CCDC7: variants seen among roughly 807,000 people sequenced by gnomAD.
The protein encoded by CCDC7 is coiled-coil domain containing 7, also known as coiled-coil domain-containing protein 7.
A neutral mutation model predicts 196.9 loss-of-function variants in CCDC7; 183 were observed. That is an observed-to-expected ratio of 0.93 (90% CI 0.82 to 1.05). The LOEUF is 1.05. CCDC7 is among the 50% of genes least tolerant of loss of function. CCDC7 has a pLI of 0.00. For missense variants in CCDC7, 1,540 were observed against 1,482.2 expected (o/e 1.04, Z -0.64); for synonymous variants, 525 against 484.6 (o/e 1.08, Z -1.10).
At chr10:32,659,678 T>C (rs996668921) in intron 20 of CCDC7, among the ~76,000 whole-genome samples, 1 of 152,048 alleles carries the variant, frequency 6.6e-6, no homozygotes, top group Non-Finnish European at 1.5e-5. Context: ...AAGACATGAA[T>C]GGACACTTCC....
At chr10:32,847,801 A>G in intron 37 of CCDC7, 32 bp from the exon 39 acceptor site, 1 of 1,364,200 alleles carries the variant, frequency 7.3e-7, no homozygotes, top group Non-Finnish European at 1.0e-6. Flanking sequence ...GTTACCTTAA[A>G]AAGTGTTTTG....
At chr10:32,687,884 G>A (rs1301962397) in intron 22 of CCDC7, among the ~76,000 whole-genome samples, 5 of 152,118 alleles carry the variant, frequency 3.3e-5, no homozygotes, top group Admixed American at 6.6e-5. Flanking sequence ...CTGTATGTTG[G>A]CCCTATGCCC....
intron 23 of CCDC7, 84 bp from the exon 25 acceptor site, chr10:32,694,795 C>G: frequency 1.4e-6 from 1 of 718,586 alleles, no homozygotes; most frequent in Non-Finnish European, 2.2e-6. Flanking sequence ...GAAAATTTTG[C>G]TACACAATTA....
At chr10:32,492,612 T>C (rs1459192862) in intron 9 of CCDC7, among the ~76,000 whole-genome samples, 1 of 152,034 alleles carries the variant, frequency 6.6e-6, no homozygotes, top group Non-Finnish European at 1.5e-5. Flanking sequence ...ATTATTCCTC[T>C]TACATGAGGT....
intron 23 of CCDC7, among the ~76,000 whole-genome samples, chr10:32,693,721 C>T (rs1053041780): frequency 3.9e-5 from 6 of 152,162 alleles, no homozygotes; most frequent in South Asian, 2.1e-4. Flanking sequence ...CCTGTGTCTG[C>T]ATGAATTTTC....
chr10:32,878,982 A>T (rs1485133915), downstream of CCDC7, among the ~76,000 whole-genome samples: 1 of 152,138 alleles, frequency 6.6e-6, no homozygotes, highest in Non-Finnish European at 1.5e-5. Context: ...GTATGGGGCC[A>T]TTCATGCTGT....
At chr10:32,794,577 T>C (rs1592818412) in intron 29 of CCDC7, among the ~76,000 whole-genome samples, 1 of 152,220 alleles carries the variant, frequency 6.6e-6, no homozygotes, top group African/African-American at 2.4e-5. Context: ...TTTTTCAACA[T>C]TGCCAGCATC....
At chr10:32,856,601 T>C (rs2093763236) in intron 41 of CCDC7, among the ~76,000 whole-genome samples, 1 of 152,164 alleles carries the variant, frequency 6.6e-6, no homozygotes, top group African/African-American at 2.4e-5. Flanking sequence ...CCATCATTCC[T>C]GGACCTTGCT....
intron 21 of CCDC7, 76 bp from the exon 23 acceptor site, chr10:32,685,894 A>G: frequency 1.2e-6 from 1 of 815,866 alleles, no homozygotes; most frequent in Non-Finnish European, 2.0e-6. Flanking sequence ...TAAATGTTTT[A>G]TAAATTTGAA....
intron 41 of CCDC7, among the ~76,000 whole-genome samples, chr10:32,873,802 A>C (rs886859212): frequency 6.6e-6 from 1 of 151,850 alleles, no homozygotes; most frequent in Non-Finnish European, 1.5e-5. Context: ...GGAAGCTGCC[A>C]CACTACTTTT....
Position 32,634,238 on chromosome 10 carries a change from G to T in CCDC7, c.1802-16G>T. The T allele has an allele frequency of 4.5e-6, 5 of 1,107,188 alleles. No individual in the cohort carries two copies. The South Asian group carries it at 1.8e-4, about 41-fold the overall frequency. The allele number at this position is 1,107,188 out of a possible 1,614,324, so 68.6% of individuals were successfully genotyped here. On this transcript the variant is annotated splice_polypyrimidine_tract_variant and intron_variant, in intron 18 of 41. Transcript: ENST00000639629. ...TCTTTCTCTATTTGGTAGACTAAAT[G>T]AATCTTTTTATGTAGCTGACAGTGA...
At chr10:32,793,089 T>G (rs1469695474) in intron 29 of CCDC7, among the ~76,000 whole-genome samples, 1 of 152,190 alleles carries the variant, frequency 6.6e-6, no homozygotes, top group Non-Finnish European at 1.5e-5. Flanking sequence ...TATTAGGGTG[T>G]ATTAATCTTG....
At chr10:32,704,928 A>G (rs1763803) in intron 24 of CCDC7, among the ~76,000 whole-genome samples, 52,498 of 152,078 alleles carry the variant, frequency 0.35, 11,683 homozygotes, top group Non-Finnish European at 0.5. Flanking sequence ...TTCCTTGGCT[A>G]GGAAAGGGAA....
intron 16 of CCDC7, among the ~76,000 whole-genome samples, chr10:32,578,230 T>C (rs1467810117): frequency 2.0e-5 from 3 of 151,886 alleles, no homozygotes; most frequent in African/African-American, 7.3e-5. Context: ...GGAAAATCGT[T>C]TGTGGTTGGG....
intron 3 of CCDC7, 35 bp downstream of exon 4, chr10:32,456,369 A>G (rs544334165): frequency 7.0e-7 from 1 of 1,431,618 alleles, no homozygotes; most frequent in East Asian, 2.5e-5. Context: ...AGTATAAAAT[A>G]TCAAACTTGT....
chr10:32,563,331 C>T (rs1021865858), intron 13 of CCDC7, among the ~76,000 whole-genome samples: 49 of 152,188 alleles, frequency 3.2e-4, no homozygotes, highest in Middle Eastern at 6.8e-3. Flanking sequence ...AAAAAGAGCC[C>T]GCATTGCCAA....
At chr10:32,704,968 G>A (rs1459341463) in intron 24 of CCDC7, among the ~76,000 whole-genome samples, 1 of 152,122 alleles carries the variant, frequency 6.6e-6, no homozygotes, top group African/African-American at 2.4e-5. Flanking sequence ...TCCCGGGTGA[G>A]GCGATGCCTC....
At chr10:32,868,328 T>A (rs991932599) in intron 41 of CCDC7, among the ~76,000 whole-genome samples, 6 of 152,004 alleles carry the variant, frequency 3.9e-5, no homozygotes, top group African/African-American at 7.2e-5. Flanking sequence ...TTTTGAGAAC[T>A]CACCATACTG....
At chr10:32,876,067 G>A (rs1430520757) in intron 41 of CCDC7, among the ~76,000 whole-genome samples, 1 of 151,936 alleles carries the variant, frequency 6.6e-6, no homozygotes, top group African/African-American at 2.4e-5. Flanking sequence ...CAGAAGCTCT[G>A]GGTTCAGGTC....
Sources: allele counts gnomAD v4.1 joint callset (sites outside exome capture counted in the v4.1 genomes callset), GRCh38; gene constraint gnomAD v4.1.1; transcripts MANE v1.5; gene names NCBI Gene and HGNC (gene_info 2026-07-23, HGNC 2026-07-21).